ARHGEF28: variants seen among roughly 807,000 people sequenced by gnomAD.
ARHGEF28 encodes Rho guanine nucleotide exchange factor 28.
ARHGEF28 carries 152 observed loss-of-function variants against 206.6 expected under a neutral mutation model. That is an observed-to-expected ratio of 0.74 (90% confidence interval 0.64 to 0.84). ARHGEF28 has a LOEUF of 0.84. ARHGEF28 is among the 40% of genes least tolerant of loss of function. The pLI, the probability that ARHGEF28 is intolerant of heterozygous loss-of-function variation, is 0.00. For missense variants in ARHGEF28, 2,028 were observed against 2,073.2 expected (o/e 0.98, Z 0.42); for synonymous variants, 763 against 776.4 (o/e 0.98, Z 0.29).
At chr5:73,728,117 T>TGATTCATCCTGACTGACCCTTCC (rs1750392403) in intron 2 of ARHGEF28, among the ~76,000 whole-genome samples, 2 of 152,234 alleles carry the variant, frequency 1.3e-5, no homozygotes, top group African/African-American at 4.8e-5. Context: ...TTCTGAGACT[T>TGATTCATCCTGACTGACCCTTCC]GATTCATCCT....
intron 20 of ARHGEF28, among the ~76,000 whole-genome samples, chr5:73,869,231 G>GC (rs58390386): frequency 9.1e-6 from 1 of 110,048 alleles, no homozygotes; most frequent in Admixed American, 1.0e-4. Context: ...GTGGAGGGGG[G>GC]TGGGGAAGGG....
chr5:73,832,022 G>A (rs745585102), intron 9 of ARHGEF28, among the ~76,000 whole-genome samples: 5 of 152,168 alleles, frequency 3.3e-5, no homozygotes, highest in African/African-American at 4.8e-5. Flanking sequence ...GGGAAATGAA[G>A]TTTAATTTAA....
intron 11 of ARHGEF28, among the ~76,000 whole-genome samples, chr5:73,845,986 C>CAAAAAAAAAAAAAAAAAAAAAAAAAAGA (rs57600570): frequency 1.6e-5 from 1 of 63,736 alleles, no homozygotes; most frequent in African/African-American, 4.7e-5. Context: ...AAAACTGTCT[C>CAAAAAAAAAAAAAAAAAAAAAAAAAAGA]AAAAAAAAAA....
intron 2 of ARHGEF28, among the ~76,000 whole-genome samples, chr5:73,736,135 C>CATA (rs1162062842): frequency 6.6e-6 from 1 of 152,204 alleles, no homozygotes; most frequent in African/African-American, 2.4e-5. Flanking sequence ...TAAAAGAGGT[C>CATA]ATAATATTCA....
chr5:73,670,264 T>G (rs1049345950), intron 1 of ARHGEF28, among the ~76,000 whole-genome samples: 3 of 152,226 alleles, frequency 2.0e-5, no homozygotes, highest in Non-Finnish European at 4.4e-5. Flanking sequence ...CCTTTAGGAT[T>G]GGCTTTTATC....
chr5:73,772,631 G>A lies in ARHGEF28; in HGVS notation c.476-1224G>A, dbSNP rs932314179. 9.2e-5 allele frequency among the ~76,000 whole-genome samples: 14 copies of A among 152,250 alleles called. 2 individuals carry two copies. In the South Asian group the frequency reaches 2.9e-3, roughly 32 times the overall value. ...TGGGCTCAAGTGATCCTCCCGCGTTGGCCTCCCAAAGTGCTGGGATTAAGG... is the reference window on the plus strand; with the variant it reads ...TGGGCTCAAGTGATCCTCCCGCGTTAGCCTCCCAAAGTGCTGGGATTAAGG... On this transcript the variant is annotated intron_variant, in intron 4 of 35. Transcript: ENST00000513042.
chr5:73,912,476 G>A (rs1208105758), intron 35 of ARHGEF28, among the ~76,000 whole-genome samples: 3 of 152,124 alleles, frequency 2.0e-5, no homozygotes, highest in African/African-American at 7.2e-5. Flanking sequence ...GCAACAAAAA[G>A]GTTTGAAGGT....
intron 7 of ARHGEF28, 43 bp downstream of exon 7, chr5:73,780,788 C>T: frequency 1.3e-6 from 2 of 1,542,100 alleles, no homozygotes; most frequent in Non-Finnish European, 1.8e-6. Context: ...ACAGAGTGCT[C>T]TGGACCAACA....
chr5:73,914,709 T>A (rs1054808837), intron 35 of ARHGEF28, among the ~76,000 whole-genome samples: 2 of 152,028 alleles, frequency 1.3e-5, no homozygotes, highest in Non-Finnish European at 2.9e-5. Flanking sequence ...AATTATTAAT[T>A]TCTAGAAAGC....
chr5:73,677,970 C>G (rs139507182), intron 1 of ARHGEF28, among the ~76,000 whole-genome samples: 16 of 152,290 alleles, frequency 1.1e-4, no homozygotes, highest in African/African-American at 3.6e-4. Flanking sequence ...GACAGCACAT[C>G]AAGGACTTAA....
At chr5:73,738,717 G>A (rs1223540746) in intron 2 of ARHGEF28, among the ~76,000 whole-genome samples, 1 of 152,146 alleles carries the variant, frequency 6.6e-6, no homozygotes, top group Non-Finnish European at 1.5e-5. Context: ...TTATGATCAG[G>A]TTATGCCCAG....
chr5:73,787,351 G>A (rs562092601), intron 7 of ARHGEF28, among the ~76,000 whole-genome samples: 4 of 152,212 alleles, frequency 2.6e-5, no homozygotes, highest in African/African-American at 4.8e-5. Context: ...AAAATCATAC[G>A]CAGCCCTAGG....
intron 2 of ARHGEF28, among the ~76,000 whole-genome samples, chr5:73,699,931 C>A (rs1748490399): frequency 6.6e-6 from 1 of 152,180 alleles, no homozygotes; most frequent in African/African-American, 2.4e-5. Context: ...ACCTGCCAAC[C>A]TGACCATACT....
intron 24 of ARHGEF28, 77 bp downstream of exon 24, chr5:73,883,961 T>G: frequency 1.3e-6 from 1 of 791,678 alleles, no homozygotes; most frequent in South Asian, 2.8e-5. Flanking sequence ...TAAACAGCCA[T>G]CAGTGTTTGT....
chr5:73,912,107 C>T (rs139083348), intron 35 of ARHGEF28, among the ~76,000 whole-genome samples: 118 of 151,984 alleles, frequency 7.8e-4, no homozygotes, highest in African/African-American at 2.8e-3. Context: ...CCATAAGTAC[C>T]TCATAATAAC....
At chr5:73,657,175 A>C (rs937197651) in intron 1 of ARHGEF28, among the ~76,000 whole-genome samples, 9 of 58,604 alleles carry the variant, frequency 1.5e-4, no homozygotes, top group Admixed American at 5.6e-4. Context: ...TCCGTCCCAA[A>C]AAAAAAAAAA....
intron 31 of ARHGEF28, chr5:73,903,982 T>C: frequency 1.9e-6 from 1 of 534,936 alleles, no homozygotes; most frequent in Non-Finnish European, 3.3e-6. Flanking sequence ...AAGGGGTGAT[T>C]GGGTGAAAAT....
At chr5:73,677,298 C>T (rs975743192) in intron 1 of ARHGEF28, among the ~76,000 whole-genome samples, 2 of 152,172 alleles carry the variant, frequency 1.3e-5, no homozygotes, top group Non-Finnish European at 2.9e-5. Flanking sequence ...GTAACAAGGA[C>T]TTCCCATATA....
chr5:73,814,741 G>A (rs184711989), intron 9 of ARHGEF28, among the ~76,000 whole-genome samples: 15 of 152,232 alleles, frequency 9.9e-5, no homozygotes, highest in African/African-American at 1.4e-4. Context: ...GAGGATGGAC[G>A]CTAGCAGTTG....
Sources: allele counts gnomAD v4.1 joint callset (sites outside exome capture counted in the v4.1 genomes callset), GRCh38; gene constraint gnomAD v4.1.1; transcripts MANE v1.5; gene names NCBI Gene and HGNC (gene_info 2026-07-23, HGNC 2026-07-21).